NBPF9: variants seen among roughly 807,000 people sequenced by gnomAD.
NBPF9 encodes the protein NBPF member 9, also known as NBPF family member NBPF9.
Under a neutral mutation model 97.8 loss-of-function variants are expected in NBPF9, and 91 were observed. That is an observed-to-expected ratio of 0.93 (90% CI 0.79 to 1.11). NBPF9 has a LOEUF of 1.11. Among genes scored for constraint, NBPF9 ranks in the 50% least tolerant of loss-of-function variants. The pLI is 0.00. For synonymous variants in NBPF9, 334 were observed against 359.5 expected (o/e 0.93, Z 0.80); for missense variants, 992 against 939.5 (o/e 1.06, Z -0.73).
At chr1:149,077,744 T>A in intron 10 of NBPF9, 139 bp downstream of exon 10, 1 of 1,127,148 alleles carries the variant, frequency 8.9e-7, no homozygotes, top group Middle Eastern at 2.9e-4. Context: ...GCACCCTGTG[T>A]CTAAGCTGGG....
At chr1:149,070,320 CAAAAAA>C (rs3979925) in intron 16 of NBPF9, among the ~76,000 whole-genome samples, 7 of 47,818 alleles carry the variant, frequency 1.5e-4, no homozygotes, top group African/African-American at 4.6e-4. Flanking sequence ...GACTCCATCG[CAAAAAA>C]AAAAAAAAAA....
intron 12 of NBPF9, among the ~76,000 whole-genome samples, chr1:149,075,262 A>G (rs1476115837): frequency 6.6e-6 from 1 of 152,148 alleles, no homozygotes; most frequent in Non-Finnish European, 1.5e-5. Context: ...GGGCCTCAAC[A>G]GAAACTTGAA....
At chr1:149,058,760 A>G (rs1431086206) in intron 26 of NBPF9, 165 bp downstream of exon 26, 24 of 612,000 alleles carry the variant, frequency 3.9e-5, no homozygotes, top group Non-Finnish European at 6.9e-5. Flanking sequence ...TTTCATGTCT[A>G]GGCTTCCAAC....
downstream of NBPF9, chr1:149,053,976 AT>A (rs1248426178): frequency 6.7e-6 from 1 of 148,414 alleles, no homozygotes; most frequent in African/African-American, 2.5e-5. Context: ...ATGTAAATAC[AT>A]TCTGCTACAT....
chr1:149,071,258 G>T, intron 15 of NBPF9, 119 bp from the exon 16 acceptor site: 9 of 1,335,426 alleles, frequency 6.7e-6, no homozygotes. Flanking sequence ...AAGCAAAATG[G>T]AGGTTCCCAT....
chr1:149,088,800 C>T lies in NBPF9; in HGVS notation c.-195+1953G>A, dbSNP rs1389313092. On this transcript the variant is annotated intron_variant, in intron 5 of 29. Coordinates refer to ENST00000584027, the Ensembl canonical transcript of NBPF9. Reference sequence around the variant, plus strand: ...TTGGGAGGCTGAGGCAGGCGGATCACACTTGTGGCAGCATTGAAGGCTTCA... The same window carrying T: ...TTGGGAGGCTGAGGCAGGCGGATCATACTTGTGGCAGCATTGAAGGCTTCA... 3.1e-4 allele frequency among the ~76,000 whole-genome samples: 47 copies of T among 152,170 alleles called. 1 individual carries two copies. The highest frequency in any genetic ancestry group is 6.5e-4 in the Admixed American group (10 of 15,290).
intron 5 of NBPF9, among the ~76,000 whole-genome samples, chr1:149,084,493 C>T (rs372849614): frequency 7.4e-5 from 11 of 147,828 alleles, no homozygotes; most frequent in African/African-American, 2.8e-4. Context: ...CTAGCAGAGT[C>T]GTGGCGAGGA....
At chr1:149,097,651 C>G (rs1264971638) in intron 4 of NBPF9, among the ~76,000 whole-genome samples, 3 of 152,118 alleles carry the variant, frequency 2.0e-5, no homozygotes, top group South Asian at 2.1e-4. Flanking sequence ...TACAAACAGG[C>G]CATGCCCCTT....
exon 16 of NBPF9, chr1:149,070,973 A>G: frequency 6.2e-7 from 1 of 1,612,606 alleles, no homozygotes; most frequent in Non-Finnish European, 8.5e-7. Context: ...TCAACATGAG[A>G]GGATGAGCCA....
intron 5 of NBPF9, among the ~76,000 whole-genome samples, chr1:149,087,525 G>T (rs1271058544): frequency 6.7e-6 from 1 of 149,584 alleles, no homozygotes; most frequent in Non-Finnish European, 1.5e-5. Flanking sequence ...CTGGAAATAG[G>T]TAGTGAATTC....
chr1:149,095,609 T>A (rs1442637876), intron 4 of NBPF9, among the ~76,000 whole-genome samples: 9 of 86,584 alleles, frequency 1.0e-4, no homozygotes, highest in Admixed American at 5.7e-4. Context: ...TTCTGAGAAC[T>A]AAACAACACA....
At position 149,075,048 on chromosome 1, in the gene NBPF9, G is replaced by C. The variant is rs71229756; in HGVS notation, c.988+607C>G. ...GCTGGTCTCAAACTCCTGACCTCAT[G>C]ATCTGCCCGCCTCAGCCTCCCAAAG... On this transcript the variant is annotated intron_variant, in intron 12 of 29. Coordinates refer to ENST00000584027, the Ensembl canonical transcript of NBPF9. Among the ~76,000 whole-genome samples the C allele has an allele frequency of 8.1e-4, 123 of 151,544 alleles. 1 individual carries two copies. The highest frequency in any genetic ancestry group is 4.6e-3 in the East Asian group (24 of 5,162).
At chr1:149,082,296 A>C in exon 6 of NBPF9, 2 of 1,553,534 alleles carry the variant, frequency 1.3e-6, no homozygotes, top group Non-Finnish European at 1.7e-6. Context: ...AAATGTGATC[A>C]CTCCCACAGC....
intron 20 of NBPF9, among the ~76,000 whole-genome samples, chr1:149,063,196 A>C (rs1553650581): frequency 7.1e-6 from 1 of 140,158 alleles, no homozygotes; most frequent in Non-Finnish European, 1.5e-5. Flanking sequence ...CAATCGATTT[A>C]AAGCAAATGC....
intron 5 of NBPF9, among the ~76,000 whole-genome samples, chr1:149,087,827 C>T (rs1553659035): frequency 1.5e-5 from 2 of 131,948 alleles, no homozygotes; most frequent in Admixed American, 7.6e-5. Context: ...TGTTGACTTT[C>T]CTTTTTTTTT....
intron 5 of NBPF9, among the ~76,000 whole-genome samples, chr1:149,088,493 A>T (rs2081190907): frequency 6.6e-6 from 1 of 152,210 alleles, no homozygotes; most frequent in Non-Finnish European, 1.5e-5. Context: ...ATAGAAAAGC[A>T]TTCAATCTTA....
intron 11 of NBPF9, among the ~76,000 whole-genome samples, chr1:149,076,095 C>T (rs75625153): frequency 6.6e-6 from 1 of 152,078 alleles, no homozygotes; most frequent in Admixed American, 6.5e-5. Context: ...CTTGCTTATA[C>T]GTTTCTATAA....
At chr1:149,090,621 A>G in intron 5 of NBPF9, 132 bp downstream of exon 5, 1 of 626,900 alleles carries the variant, frequency 1.6e-6, no homozygotes, top group Non-Finnish European at 2.7e-6. Context: ...GGACATCATC[A>G]TTTAAAGTGA....
chr1:149,073,048 AG>A (rs1553653357), intron 13 of NBPF9, 116 bp from the exon 14 acceptor site: 1 of 1,030,896 alleles, frequency 9.7e-7, no homozygotes, highest in African/African-American at 1.6e-5. Flanking sequence ...GCAGAAGGTC[AG>A]CACATGTTTA....
Sources: allele counts gnomAD v4.1 joint callset (sites outside exome capture counted in the v4.1 genomes callset), GRCh38; gene constraint gnomAD v4.1.1; transcripts MANE v1.5; gene names NCBI Gene and HGNC (gene_info 2026-07-23, HGNC 2026-07-21).